HPS3: variants seen among roughly 807,000 people sequenced by gnomAD.
HPS3 encodes the protein BLOC-2 complex member HPS3.
Under a neutral mutation model 110.9 loss-of-function variants are expected in HPS3, and 79 were observed. The ratio of observed to expected loss-of-function variants is 0.71; its 90% CI spans 0.59 to 0.86. The LOEUF (loss-of-function observed/expected upper bound fraction) is 0.86, where lower values mean the gene tolerates loss of function less well. Among genes scored for constraint, HPS3 ranks in the 40% least tolerant of loss-of-function variants. The probability of loss-of-function intolerance (pLI) is 0.00; values close to 1 mark genes in which losing one functional copy is unlikely to be tolerated. For synonymous variants in HPS3, 428 were observed against 451.0 expected (o/e 0.95, Z 0.65); for missense variants, 1,197 against 1,206.2 (o/e 0.99, Z 0.11).
At chr3:149,163,134 A>C (rs1249750548) in intron 13 of HPS3, among the ~76,000 whole-genome samples, 1 of 152,210 alleles carries the variant, frequency 6.6e-6, no homozygotes, top group Non-Finnish European at 1.5e-5. Flanking sequence ...TCAGTTGCCA[A>C]AGCATGGAGA....
chr3:149,152,948 C>T (rs567857923), intron 6 of HPS3, among the ~76,000 whole-genome samples: 1 of 152,216 alleles, frequency 6.6e-6, no homozygotes, highest in African/African-American at 2.4e-5. Flanking sequence ...AGGCACTATT[C>T]GTACCTAACA....
At chr3:149,150,514 C>A in intron 5 of HPS3, 85 bp from the exon 6 acceptor site, 1 of 984,694 alleles carries the variant, frequency 1.0e-6, no homozygotes, top group Non-Finnish European at 1.6e-6. Context: ...TGCCCATTGC[C>A]CTGTTTGCCT....
intron 11 of HPS3, among the ~76,000 whole-genome samples, chr3:149,160,707 T>G (rs920193138): frequency 1.3e-5 from 2 of 152,078 alleles, no homozygotes; most frequent in African/African-American, 4.8e-5. Flanking sequence ...AAATCACAGA[T>G]TAAGAGGATT....
chr3:149,140,915 C>A, intron 2 of HPS3, 102 bp from the exon 3 acceptor site: 1 of 1,068,298 alleles, frequency 9.4e-7, no homozygotes, highest in Non-Finnish European at 1.4e-6. Context: ...TAAATGTGTG[C>A]ATATTATAAA....
intron 1 of HPS3, among the ~76,000 whole-genome samples, chr3:149,136,286 G>T (rs999574391): frequency 2.2e-4 from 33 of 152,080 alleles, no homozygotes; most frequent in African/African-American, 7.7e-4. Context: ...AGAGGCTGAG[G>T]TGGAAGGATC....
rs755138891 is a variant in HPS3, at chr3:149,160,108, T to C, written c.1935T>C (p.Ile645=). 2 of 1,613,980 alleles carry C rather than the reference T, an allele frequency of 1.2e-6. No individual in the cohort carries two copies. The highest frequency in any genetic ancestry group is 2.2e-5 in the East Asian group (1 of 44,882). The change falls in exon 11 of 17, where the codon ATT becomes ATC. Residue 645 remains isoleucine, a synonymous_variant. Coordinates refer to ENST00000296051, the MANE Select transcript of HPS3 (RefSeq NM_032383.5). ...CTGAGCCAAAGCAAGTGCCCCATAT[T>C]CTCTGTAGTCCTTCTATGAAGAATA... The part of the protein sequence containing the change: ...YVAEPKQVPH[I]LCSPSMKNIN...
chr3:149,129,879 C>CA lies in HPS3; in HGVS notation c.156_157insA (p.Gln53ThrfsTer28). ...TCGCGGTGGCCGGCCAGGAGCTGTG[C>CA]CAGCCGCGGTGCGCCTTCTCCACGC... On this transcript the variant is annotated frameshift_variant, in exon 1 of 17. Coordinates refer to ENST00000296051, the MANE Select transcript of HPS3 (RefSeq NM_032383.5). LOFTEE classifies it high-confidence loss of function. 2 of 1,592,810 alleles carry CA rather than the reference C, an allele frequency of 1.3e-6. No individual in the cohort carries two copies. The highest frequency in any genetic ancestry group is 1.7e-6 in the Non-Finnish European group (2 of 1,174,866).
intron 16 of HPS3, among the ~76,000 whole-genome samples, chr3:149,169,726 G>A (rs1724791164): frequency 6.6e-6 from 1 of 152,198 alleles, no homozygotes; most frequent in African/African-American, 2.4e-5. Flanking sequence ...ATTAAAATGG[G>A]TTAGTGGATG....
intron 5 of HPS3, among the ~76,000 whole-genome samples, chr3:149,147,703 A>G (rs986212146): frequency 6.6e-6 from 1 of 152,130 alleles, no homozygotes; most frequent in Non-Finnish European, 1.5e-5. Context: ...TATGGGTTTG[A>G]ATGGACTTGT....
chr3:149,134,923 C>T (rs556552370), intron 1 of HPS3, among the ~76,000 whole-genome samples: 1 of 152,288 alleles, frequency 6.6e-6, no homozygotes, highest in African/African-American at 2.4e-5. Context: ...ATAAATAGAG[C>T]TGACTCTGGC....
Position 149,141,200 on chromosome 3 carries a change from C to CATTTT in HPS3, c.884+12_884+13insATTTT. 1 of 1,525,378 alleles carries CATTTT rather than the reference C, an allele frequency of 6.6e-7. No individual in the cohort carries two copies. 94.5% of individuals were successfully genotyped at this position (1,525,378 alleles called of 1,614,324 possible). On this transcript the variant is annotated intron_variant, in intron 3 of 16. Transcript: ENST00000296051. ...CACCTGCTCTATAGGTATTATAGTG[C>CATTTT]TTTTTTTTTTTTTACCAGCATTTTA... is the stretch of plus-strand genomic sequence containing the variant.
rs2108128754 is a variant in HPS3, at chr3:149,140,431, T to C, written c.645T>C (p.Pro215=). The part of the protein sequence containing the change: ...EVLIVKLESG[P]KNGERVHHHP... The stretch of plus-strand genomic sequence containing the variant: ...TAATCGTAAAACTGGAGTCAGGCCC[T>C]AAAAATGGAGAGAGAGTTCACCACC... Residue 215 remains proline (P), a synonymous_variant, in exon 2 of 17, where the codon CCT becomes CCC. Transcript: ENST00000296051. The C allele has an allele frequency of 6.2e-7, 1 of 1,612,426 alleles. No individual in the cohort carries two copies. The highest frequency in any genetic ancestry group is 8.5e-7 in the Non-Finnish European group (1 of 1,179,356).
In HPS3 at chr3:149,173,478, A is replaced by G. The variant is rs977562729; in HGVS notation, c.*1256A>G. 2 of 363,598 alleles carry G rather than the reference A, an allele frequency of 5.5e-6. No homozygotes were observed. The highest frequency in any genetic ancestry group is 1.0e-5 in the Non-Finnish European group (2 of 193,954). 22.5% of individuals were successfully genotyped at this position (363,598 alleles called of 1,614,324 possible). On this transcript the variant is annotated 3_prime_UTR_variant, in exon 17 of 17. Transcript: ENST00000296051. ...GCGGTGATATCATTAGACTGTATGA[A>G]TCAGTTTTATTACCTAGTGTACAAG...
chr3:149,155,214 T>A lies in HPS3; in HGVS notation c.1508T>A (p.Met503Lys). The part of the protein sequence containing the change: ...TISPVQLYKE[M>K]VDYSNTYKTV... ...TCACCAGTGCAGCTGTACAAAGAGA[T>A]GGTACTCTTTTCAAACTTCTGATTC... The change falls in exon 8 of 17, where the codon ATG becomes AAG. Residue 503 changes from methionine to lysine, a missense_variant and splice_region_variant. Physicochemically the swap from Met to Lys is moderately conservative, Grantham distance 95. Transcript: ENST00000296051. The A allele has an allele frequency of 7.0e-7, 1 of 1,431,208 alleles. No homozygotes were observed. Among genetic ancestry groups the A allele is most frequent in the Non-Finnish European group, 9.9e-7 (1 of 1,013,726 alleles). The allele number at this position is 1,431,208 out of a possible 1,614,324, so 88.7% of individuals were successfully genotyped here.
At chr3:149,161,120 A>G (rs900529979) in intron 11 of HPS3, among the ~76,000 whole-genome samples, 2 of 152,216 alleles carry the variant, frequency 1.3e-5, no homozygotes, top group African/African-American at 4.8e-5. Context: ...TCACTATACA[A>G]ATGACATGCT....
intron 4 of HPS3, among the ~76,000 whole-genome samples, chr3:149,144,015 C>T (rs1270468369): frequency 6.6e-6 from 1 of 152,120 alleles, no homozygotes; most frequent in African/African-American, 2.4e-5. Context: ...CCATTGCATT[C>T]ATAAATATTT....
chr3:149,147,047 AAGG>A (rs1722821241), intron 5 of HPS3, among the ~76,000 whole-genome samples: 1 of 152,160 alleles, frequency 6.6e-6, no homozygotes, highest in African/African-American at 2.4e-5. Flanking sequence ...GTGTTAATGA[AAGG>A]AGAAGGGAGG....
chr3:149,138,342 C>T (rs988656936), intron 1 of HPS3, among the ~76,000 whole-genome samples: 5 of 152,104 alleles, frequency 3.3e-5, no homozygotes, highest in East Asian at 1.9e-4. Flanking sequence ...TTCAATTCAT[C>T]GGAAAAGGGC....
intron 13 of HPS3, 140 bp from the exon 14 acceptor site, chr3:149,163,702 C>CT: frequency 1.7e-6 from 1 of 585,218 alleles, no homozygotes; most frequent in Non-Finnish European, 3.0e-6. Flanking sequence ...TTCTTAAAAA[C>CT]TTTCCTTCCC....
Sources: gnomAD v4.1 joint callset for allele counts (sites outside exome capture counted in the v4.1 genomes callset) on GRCh38, gnomAD v4.1.1 for gene constraint, MANE v1.5 for transcripts, NCBI Gene and HGNC (gene_info 2026-07-23, HGNC 2026-07-21) for gene names.